The following AGPAT5 variants were observed in gnomAD, a reference collection of about 807,000 sequenced individuals.
AGPAT5 encodes the protein 1-acylglycerol-3-phosphate O-acyltransferase 5.
AGPAT5 carries 46 observed loss-of-function variants against 45.6 expected under a neutral mutation model. That is an observed-to-expected ratio of 1.01 (90% CI 0.80 to 1.29). The LOEUF (loss-of-function observed/expected upper bound fraction) is 1.29. Among genes scored for constraint, AGPAT5 ranks in the 50% most tolerant of loss-of-function variants. The pLI, the probability that AGPAT5 is intolerant of heterozygous loss-of-function variation, is 0.00. For missense variants in AGPAT5, 673 were observed against 450.7 expected, an observed-to-expected ratio of 1.49 and a Z score of -4.47; for synonymous variants, 272 against 167.0, an observed-to-expected ratio of 1.63 and a Z score of -4.85.
intron 1 of AGPAT5, among the ~76,000 whole-genome samples, chr8:6,710,902 G>C (rs1476102756): frequency 6.6e-6 from 1 of 152,040 alleles, no homozygotes; most frequent in Non-Finnish European, 1.5e-5. Flanking sequence ...TTCTTGTTTT[G>C]TTAGGACACT....
intron 4 of AGPAT5, among the ~76,000 whole-genome samples, chr8:6,740,099 G>A (rs1481086368): frequency 6.6e-6 from 1 of 152,068 alleles, no homozygotes; most frequent in African/African-American, 2.4e-5. Context: ...TTCTGAATTA[G>A]CTGTGAATGA....
intron 1 of AGPAT5, among the ~76,000 whole-genome samples, chr8:6,714,129 C>T (rs1586999745): frequency 6.6e-6 from 1 of 152,182 alleles, no homozygotes; most frequent in African/African-American, 2.4e-5. Flanking sequence ...TGCCCAGCGT[C>T]GTCTCTGATA....
At chr8:6,730,167 G>A (rs1424434718) in intron 2 of AGPAT5, among the ~76,000 whole-genome samples, 1 of 151,106 alleles carries the variant, frequency 6.6e-6, no homozygotes, top group African/African-American at 2.4e-5. Flanking sequence ...GCTGCTGTTG[G>A]ATTATTTAGG....
At position 6,760,775 on chromosome 8, in the gene AGPAT5, T is replaced by C. The variant is rs1802012816; in HGVS notation, c.*3387T>C. On this transcript the variant is annotated 3_prime_UTR_variant, in exon 8 of 8. Transcript: ENST00000285518. ...AACTTGAAATTACGTTATCACTTAG[T>C]ATAATTGACATTATATAGAGACTAT... Among the ~76,000 whole-genome samples the C allele has an allele frequency of 6.6e-6, 1 of 152,154 alleles. No individual in the cohort carries two copies. The highest frequency in any genetic ancestry group is 1.5e-5 in the Non-Finnish European group (1 of 68,032).
At chr8:6,719,758 G>A (rs117201406) in intron 1 of AGPAT5, among the ~76,000 whole-genome samples, 124 of 152,290 alleles carry the variant, frequency 8.1e-4, no homozygotes, top group Non-Finnish European at 1.1e-3. Context: ...TTAATGAAAC[G>A]TTGATGTTCT....
At chr8:6,739,503 C>T (rs1801166391) in intron 4 of AGPAT5, among the ~76,000 whole-genome samples, 1 of 151,986 alleles carries the variant, frequency 6.6e-6, no homozygotes, top group Admixed American at 6.6e-5. Flanking sequence ...CATCTTTTGC[C>T]AGATATATCC....
chr8:6,728,199 G>C (rs1800750826), intron 2 of AGPAT5, among the ~76,000 whole-genome samples: 1 of 152,198 alleles, frequency 6.6e-6, no homozygotes, highest in Non-Finnish European at 1.5e-5. Context: ...ACTCTGCTTT[G>C]GCTTGATTGC....
chr8:6,730,118 C>CTTTG (rs1474735942), intron 2 of AGPAT5, among the ~76,000 whole-genome samples: 4 of 151,452 alleles, frequency 2.6e-5, no homozygotes, highest in Non-Finnish European at 5.9e-5. Flanking sequence ...GTTTTCTAGA[C>CTTTG]TTTAGGATTT....
intron 5 of AGPAT5, chr8:6,745,750 T>TTTTCATCTTTCTTTTC (rs1563302475): frequency 6.6e-6 from 1 of 151,944 alleles, no homozygotes; most frequent in African/African-American, 2.4e-5. Flanking sequence ...CCGGAGTCTG[T>TTTTCATCTTTCTTTTC]ATTTCTTGCC....
intron 1 of AGPAT5, among the ~76,000 whole-genome samples, chr8:6,717,503 C>CA (rs1231650694): frequency 1.3e-5 from 2 of 152,140 alleles, no homozygotes; most frequent in Non-Finnish European, 2.9e-5. Flanking sequence ...CGTAAAGTAA[C>CA]ACATAATTTA....
chr8:6,754,924 TA>T, intron 6 of AGPAT5, 126 bp from the exon 7 acceptor site: 2 of 735,732 alleles, frequency 2.7e-6, no homozygotes, highest in Non-Finnish European at 4.1e-6. Flanking sequence ...TTATTTTTCC[TA>T]AGGAATCTGT....
Position 6,758,107 on chromosome 8 carries a change from T to G in AGPAT5, c.*719T>G, listed in dbSNP as rs1801906116. The G allele has an allele frequency of 6.6e-6, 1 of 152,280 alleles. No homozygotes were observed. The highest frequency in any genetic ancestry group is 1.5e-5 in the Non-Finnish European group (1 of 68,048). 9.4% of individuals were successfully genotyped at this position (152,280 alleles called of 1,614,324 possible). A position where few individuals can be genotyped will look rare whatever the true frequency, so the allele number is the denominator to read the frequency against. On this transcript the variant is annotated 3_prime_UTR_variant, in exon 8 of 8. Coordinates refer to ENST00000285518, the MANE Select transcript of AGPAT5 (RefSeq NM_018361.5). ...TGACTCTGATTCATTATAGCAGAAC[T>G]TTAAATTTCCCAGCTTTTTGAAGAT... is the stretch of plus-strand genomic sequence containing the variant.
chr8:6,736,195 C>G (rs1461524910), intron 4 of AGPAT5, among the ~76,000 whole-genome samples: 2 of 152,156 alleles, frequency 1.3e-5, no homozygotes, highest in African/African-American at 4.8e-5. Flanking sequence ...TCTTACATAA[C>G]ATGGTATATA....
Position 6,730,838 on chromosome 8 carries a change from C to T in AGPAT5, c.405+12C>T, listed in dbSNP as rs751099282. On this transcript the variant is annotated intron_variant, in intron 3 of 7. Transcript: ENST00000285518. ...GTTACTTTGCTCAGGTAACTTGTTT[C>T]CATGCTTTTCTCTCTATATATGTAG... 3 of 1,574,270 alleles carry T rather than the reference C, an allele frequency of 1.9e-6. No individual in the cohort carries two copies. Among genetic ancestry groups the T allele is most frequent in the Non-Finnish European group, 2.6e-6 (3 of 1,145,816 alleles).
rs758689079 is a variant in AGPAT5, at chr8:6,708,795, C to T, written c.127C>T (p.Pro43Ser). The change falls in exon 1 of 8, where the codon CCC becomes TCC. Residue 43 changes from proline to serine, a missense_variant. Transcript: ENST00000285518. ...GVWRLLSAFL[P>S]ARFYQALDDR... The stretch of plus-strand genomic sequence containing the variant: ...CTGGCGGCTGCTCTCCGCCTTCCTG[C>T]CCGCCCGCTTCTACCAAGCGCTGGA... 6 of 1,610,332 alleles carry T rather than the reference C, an allele frequency of 3.7e-6. No homozygotes were observed. In the East Asian group the frequency reaches 6.7e-5, roughly 18 times the overall value.
intron 4 of AGPAT5, among the ~76,000 whole-genome samples, chr8:6,734,457 A>G (rs1221238922): frequency 6.6e-6 from 1 of 152,000 alleles, no homozygotes; most frequent in East Asian, 1.9e-4. Flanking sequence ...ACCCTGTTTC[A>G]TAGTTTCCAT....
At chr8:6,712,441 T>C (rs1800185855) in intron 1 of AGPAT5, among the ~76,000 whole-genome samples, 1 of 152,036 alleles carries the variant, frequency 6.6e-6, no homozygotes, top group African/African-American at 2.4e-5. Context: ...TCTAAGACAA[T>C]TAATTATGTA....
At chr8:6,709,649 C>G (rs1351244505) in intron 1 of AGPAT5, 1 of 151,502 alleles carries the variant, frequency 6.6e-6, no homozygotes, top group Non-Finnish European at 1.5e-5. Flanking sequence ...TCCACCTAGT[C>G]CTCTTTTACT....
At chr8:6,714,988 G>A (rs10503367) in intron 1 of AGPAT5, among the ~76,000 whole-genome samples, 4,105 of 152,232 alleles carry the variant, frequency 0.027, 128 homozygotes, top group East Asian at 0.13. Context: ...TGATGTTAGT[G>A]GTTGGACCAT....
Sources: gnomAD v4.1 joint callset for allele counts (sites outside exome capture counted in the v4.1 genomes callset) on GRCh38, gnomAD v4.1.1 for gene constraint, MANE v1.5 for transcripts, NCBI Gene and HGNC (gene_info 2026-07-23, HGNC 2026-07-21) for gene names.